BZW2: variants seen among roughly 807,000 people sequenced by gnomAD.
BZW2 encodes basic leucine zipper and W2 domains 2.
In BZW2, 23 loss-of-function variants were observed where a neutral mutation model predicts 53.2. The ratio of observed to expected loss-of-function variants is 0.43; its 90% CI spans 0.31 to 0.61. The LOEUF is 0.61. Ranked by LOEUF, BZW2 falls within the 20% of genes least tolerant of loss-of-function variation. The pLI is 0.09. For synonymous variants in BZW2, 227 were observed against 186.4 expected (o/e 1.22, Z -1.77); for missense variants, 409 against 503.1 (o/e 0.81, Z 1.79).
chr7:16,678,087 C>CTTTTTTT (rs71007780), intron 3 of BZW2, among the ~76,000 whole-genome samples: 347 of 66,362 alleles, frequency 5.2e-3, no homozygotes, highest in Non-Finnish European at 7.2e-3. Context: ...TTCCATTGTT[C>CTTTTTTT]TTTTTTTTTT....
At chr7:16,682,107 A>C (rs1438259355) in intron 4 of BZW2, among the ~76,000 whole-genome samples, 1 of 152,186 alleles carries the variant, frequency 6.6e-6, no homozygotes, top group South Asian at 2.1e-4. Flanking sequence ...TACATTAGGA[A>C]ACGAATACAC....
intron 10 of BZW2, among the ~76,000 whole-genome samples, chr7:16,702,814 G>A (rs1332814138): frequency 1.3e-5 from 2 of 152,070 alleles, no homozygotes; most frequent in East Asian, 3.8e-4. Context: ...TATTGTTTGT[G>A]CAGAACATTA....
intron 3 of BZW2, among the ~76,000 whole-genome samples, chr7:16,677,176 A>G (rs1782792388): frequency 6.6e-6 from 1 of 151,766 alleles, no homozygotes; most frequent in South Asian, 2.1e-4. Context: ...TATCCCAGTC[A>G]TTATCCTTCC....
intron 1 of BZW2, among the ~76,000 whole-genome samples, chr7:16,659,866 T>C (rs1223000602): frequency 6.6e-6 from 1 of 151,918 alleles, no homozygotes; most frequent in East Asian, 1.9e-4. Context: ...TTTTTTTTAT[T>C]ATACTTTAAG....
intron 1 of BZW2, among the ~76,000 whole-genome samples, chr7:16,654,827 C>T (rs1455851696): frequency 6.6e-6 from 1 of 152,154 alleles, no homozygotes; most frequent in African/African-American, 2.4e-5. Flanking sequence ...GCATAAGCCA[C>T]CGTGCCCAGC....
At chr7:16,661,912 A>AT (rs1332099467) in intron 1 of BZW2, among the ~76,000 whole-genome samples, 1 of 152,044 alleles carries the variant, frequency 6.6e-6, no homozygotes, top group Non-Finnish European at 1.5e-5. Context: ...TTAAACTTTT[A>AT]TTTTTTTAAA....
intron 10 of BZW2, among the ~76,000 whole-genome samples, chr7:16,703,938 A>G (rs1783751806): frequency 6.6e-6 from 1 of 152,088 alleles, no homozygotes; most frequent in Non-Finnish European, 1.5e-5. Flanking sequence ...GTAATTTGGG[A>G]TATACTGTGG....
At chr7:16,670,914 G>T (rs1278835039) in intron 2 of BZW2, among the ~76,000 whole-genome samples, 1 of 152,140 alleles carries the variant, frequency 6.6e-6, no homozygotes, top group Non-Finnish European at 1.5e-5. Context: ...CTCACGCTGC[G>T]TGACTCTGAC....
rs571477149 is a variant in BZW2, at chr7:16,680,086, G to A, written c.236-1215G>A. ...CGATCAAATTCAAATAGCAAGCATC[G>A]GAGTCCATGCTATTCAACCAGTCAT... On this transcript the variant is annotated intron_variant, in intron 3 of 11. Coordinates refer to ENST00000258761, the MANE Select transcript of BZW2 (RefSeq NM_014038.3). Among the ~76,000 whole-genome samples the A allele has an allele frequency of 5.3e-5, 8 of 152,114 alleles. No individual in the cohort carries two copies. In the South Asian group the frequency reaches 1.5e-3, roughly 28 times the overall value.
chr7:16,653,490 A>G (rs2128350037), intron 1 of BZW2, among the ~76,000 whole-genome samples: 1 of 152,096 alleles, frequency 6.6e-6, no homozygotes, highest in Non-Finnish European at 1.5e-5. Flanking sequence ...GCTGATTTTC[A>G]TCTCCTGGTT....
intron 3 of BZW2, among the ~76,000 whole-genome samples, chr7:16,676,316 A>G (rs1782762929): frequency 6.6e-6 from 1 of 152,180 alleles, no homozygotes. Context: ...TGGGAAGCCA[A>G]GGCAGGCAGA....
chr7:16,662,774 AAAGG>A (rs147692825), intron 1 of BZW2, among the ~76,000 whole-genome samples: 59 of 152,126 alleles, frequency 3.9e-4, no homozygotes, highest in African/African-American at 1.4e-3. Context: ...GAGAGAGAAA[AAAGG>A]AAGGAAGGAA....
intron 1 of BZW2, chr7:16,661,311 A>C (rs974954083): frequency 1.3e-5 from 2 of 152,146 alleles, no homozygotes; most frequent in Non-Finnish European, 2.9e-5. Flanking sequence ...GAAGAGTCCC[A>C]GGTAAGACTG....
At chr7:16,676,527 A>G (rs1167578) in intron 3 of BZW2, among the ~76,000 whole-genome samples, 38,848 of 152,026 alleles carry the variant, frequency 0.26, 5,307 homozygotes, top group East Asian at 0.38. Context: ...TTCAAAAGGA[A>G]CATTATATTT....
intron 5 of BZW2, among the ~76,000 whole-genome samples, chr7:16,684,414 A>G (rs573553386): frequency 6.6e-6 from 1 of 152,356 alleles, no homozygotes; most frequent in Non-Finnish European, 1.5e-5. Flanking sequence ...ATGTGTGTAT[A>G]CATGTAATTA....
At chr7:16,676,646 A>G (rs751506951) in intron 3 of BZW2, among the ~76,000 whole-genome samples, 2 of 152,178 alleles carry the variant, frequency 1.3e-5, no homozygotes, top group Non-Finnish European at 2.9e-5. Flanking sequence ...AGGGATGAGT[A>G]TTTTCATTTT....
Position 16,646,207 on chromosome 7 carries a change from T to TGCTGCTGCTGCTGCTGCC in BZW2, c.-77_-60dup, listed in dbSNP as rs1369724515. ...CTCCTCCATTGTCTGCCGCCACTGC[T>TGCTGCTGCTGCTGCTGCC]GCTGCTGCTGCTGCTGCCGCTGCTG... On this transcript the variant is annotated 5_prime_UTR_variant, in exon 1 of 12. Transcript: ENST00000258761. 2.4e-5 allele frequency: 8 copies of TGCTGCTGCTGCTGCTGCC among 338,244 alleles called. No homozygotes were observed. Among genetic ancestry groups the TGCTGCTGCTGCTGCTGCC allele is most frequent in the African/African-American group, 8.8e-5 (4 of 45,302 alleles). 21.0% of individuals were successfully genotyped at this position (338,244 alleles called of 1,614,324 possible). A position where few individuals can be genotyped will look rare whatever the true frequency, so the allele number is the denominator to read the frequency against.
chr7:16,658,052 C>T (rs747238288), intron 1 of BZW2, among the ~76,000 whole-genome samples: 3 of 152,108 alleles, frequency 2.0e-5, no homozygotes, highest in Admixed American at 6.5e-5. Context: ...CTAAGAATGA[C>T]ATCAGTAAAA....
chr7:16,655,432 G>T (rs566708139), intron 1 of BZW2, among the ~76,000 whole-genome samples: 1 of 152,010 alleles, frequency 6.6e-6, no homozygotes, highest in African/African-American at 2.4e-5. Flanking sequence ...GGTACAGTGT[G>T]GTGTTTCCAT....
Sources: allele counts gnomAD v4.1 joint callset (sites outside exome capture counted in the v4.1 genomes callset), GRCh38; gene constraint gnomAD v4.1.1; transcripts MANE v1.5; gene names NCBI Gene and HGNC (gene_info 2026-07-23, HGNC 2026-07-21).